Variants in SLC9A9 observed in about 807,000 individuals in gnomAD.
SLC9A9 encodes the protein sodium/hydrogen exchanger 9.
Under a neutral mutation model 77.8 loss-of-function variants are expected in SLC9A9, and 62 were observed. The observed-to-expected ratio is 0.80, with a 90% CI of 0.65 to 0.98. The LOEUF is 0.98. Among genes scored for constraint, SLC9A9 ranks in the 50% least tolerant of loss-of-function variants. The pLI is 0.00. For synonymous variants in SLC9A9, 320 were observed against 283.5 expected, an observed-to-expected ratio of 1.13 and a Z score of -1.29; for missense variants, 775 against 774.9, an observed-to-expected ratio of 1.00 and a Z score of 0.00.
intron 11 of SLC9A9, among the ~76,000 whole-genome samples, chr3:143,475,652 C>T (rs77535158): frequency 9.5e-4 from 145 of 151,970 alleles, no homozygotes; most frequent in African/African-American, 3.2e-3. Flanking sequence ...ATTAGCTGGG[C>T]GTGGTGGTGA....
intron 4 of SLC9A9, among the ~76,000 whole-genome samples, chr3:143,758,317 C>T (rs1394984747): frequency 1.3e-5 from 2 of 152,280 alleles, no homozygotes; most frequent in South Asian, 2.1e-4. Flanking sequence ...TATAGTGTTA[C>T]ACTCAGCAAT....
intron 5 of SLC9A9, among the ~76,000 whole-genome samples, chr3:143,679,696 A>G (rs1042528518): frequency 1.1e-4 from 16 of 152,088 alleles, no homozygotes; most frequent in Admixed American, 1.0e-3. Flanking sequence ...TCCAATACGT[A>G]TTGCCAATTC....
At chr3:143,802,419 C>T (rs13072218) in intron 2 of SLC9A9, among the ~76,000 whole-genome samples, 76,459 of 151,938 alleles carry the variant, frequency 0.5, 20,049 homozygotes, top group East Asian at 0.68. Context: ...AGCTCAGGGA[C>T]TTGCCCCTGC....
intron 4 of SLC9A9, among the ~76,000 whole-genome samples, chr3:143,785,845 C>CTTTTTTT (rs57552730): frequency 1.8e-4 from 20 of 112,988 alleles, no homozygotes; most frequent in Non-Finnish European, 3.4e-4. Flanking sequence ...TTGAATTTTT[C>CTTTTTTT]TTTTTTTTTT....
intron 14 of SLC9A9, among the ~76,000 whole-genome samples, chr3:143,326,398 G>A (rs1182194751): frequency 3.9e-5 from 6 of 152,022 alleles, no homozygotes; most frequent in Admixed American, 6.6e-5. Flanking sequence ...TTTGCCTGCC[G>A]GCCCTGCGTG....
intron 12 of SLC9A9, among the ~76,000 whole-genome samples, chr3:143,459,749 C>T (rs1217709457): frequency 1.3e-5 from 2 of 152,096 alleles, no homozygotes; most frequent in African/African-American, 4.8e-5. Flanking sequence ...GCCTCTTTTC[C>T]TGGTCCTCTG....
chr3:143,482,794 T>A (rs2035594294), intron 11 of SLC9A9, among the ~76,000 whole-genome samples: 1 of 152,262 alleles, frequency 6.6e-6, no homozygotes, highest in Non-Finnish European at 1.5e-5. Context: ...GAAAGCTAAT[T>A]TGTGCAAAGC....
intron 9 of SLC9A9, among the ~76,000 whole-genome samples, chr3:143,530,001 G>C (rs2036477032): frequency 6.6e-6 from 1 of 152,140 alleles, no homozygotes; most frequent in African/African-American, 2.4e-5. Context: ...TGCACCACCT[G>C]TTATTAGAAC....
At chr3:143,793,774 C>G (rs370171697) in intron 4 of SLC9A9, among the ~76,000 whole-genome samples, 2 of 152,210 alleles carry the variant, frequency 1.3e-5, no homozygotes, top group East Asian at 1.9e-4. Flanking sequence ...TTACACAGAT[C>G]TCTCAGGCCC....
chr3:143,372,680 A>G (rs575911411), intron 13 of SLC9A9, among the ~76,000 whole-genome samples: 39 of 152,334 alleles, frequency 2.6e-4, no homozygotes, highest in African/African-American at 7.9e-4. Context: ...CAAACTACAG[A>G]ATGGGATAAA....
At chr3:143,735,026 A>G (rs977544961) in intron 4 of SLC9A9, among the ~76,000 whole-genome samples, 5 of 152,252 alleles carry the variant, frequency 3.3e-5, no homozygotes, top group African/African-American at 7.2e-5. Flanking sequence ...TTAAGAAATG[A>G]GAATAATTAG....
At chr3:143,367,345 T>A (rs2032934959) in intron 13 of SLC9A9, among the ~76,000 whole-genome samples, 1 of 152,220 alleles carries the variant, frequency 6.6e-6, no homozygotes, top group African/African-American at 2.4e-5. Flanking sequence ...ATCTGTGAAA[T>A]ATGTTTTCCC....
Position 143,649,992 on chromosome 3 carries a change from A to C in SLC9A9, c.755+2263T>G, listed in dbSNP as rs116262175. On this transcript the variant is annotated intron_variant, in intron 6 of 15. Transcript: ENST00000316549. The stretch of plus-strand genomic sequence containing the variant: ...TCTAGAAAGGCAAATATATATGTAA[A>C]TCCAATGCTGTGCAGGGGTGAAGCA... 8.0e-3 allele frequency among the ~76,000 whole-genome samples: 1,215 copies of C among 152,286 alleles called. 16 individuals are homozygous for C. The highest frequency in any genetic ancestry group is 0.028 in the African/African-American group (1,167 of 41,560).
intron 9 of SLC9A9, among the ~76,000 whole-genome samples, chr3:143,519,715 G>C (rs1418114805): frequency 6.6e-6 from 1 of 152,108 alleles, no homozygotes. Flanking sequence ...GGACCAGCGT[G>C]GGGGCAATGG....
At chr3:143,778,486 A>G (rs1220266404) in intron 4 of SLC9A9, among the ~76,000 whole-genome samples, 2 of 152,224 alleles carry the variant, frequency 1.3e-5, no homozygotes, top group East Asian at 3.9e-4. Flanking sequence ...TACAGGGGCA[A>G]TGAAAGCAAA....
intron 12 of SLC9A9, among the ~76,000 whole-genome samples, chr3:143,438,321 T>C (rs2034663845): frequency 6.6e-6 from 1 of 152,164 alleles, no homozygotes; most frequent in South Asian, 2.1e-4. Context: ...AACTCTCCAC[T>C]CCCCTCAAAG....
At chr3:143,315,377 A>G (rs538108538) in intron 14 of SLC9A9, among the ~76,000 whole-genome samples, 74 of 152,322 alleles carry the variant, frequency 4.9e-4, no homozygotes, top group Non-Finnish European at 8.2e-4. Context: ...TAACGGCAAC[A>G]TGTTCCATCT....
intron 14 of SLC9A9, among the ~76,000 whole-genome samples, chr3:143,293,565 G>A (rs1265639335): frequency 6.6e-6 from 1 of 152,118 alleles, no homozygotes; most frequent in East Asian, 1.9e-4. Flanking sequence ...ATAGGAAAGA[G>A]GACTTTCAAA....
intron 12 of SLC9A9, among the ~76,000 whole-genome samples, chr3:143,422,434 C>G (rs1247326589): frequency 6.6e-6 from 1 of 152,166 alleles, no homozygotes. Flanking sequence ...AGAATGAAAT[C>G]ACATCTTTTG....
Sources: allele counts gnomAD v4.1 joint callset (sites outside exome capture counted in the v4.1 genomes callset), GRCh38; gene constraint gnomAD v4.1.1; transcripts MANE v1.5; gene names NCBI Gene and HGNC (gene_info 2026-07-23, HGNC 2026-07-21).